GNA12: variants seen among roughly 807,000 people sequenced by gnomAD.
The protein encoded by GNA12 is guanine nucleotide-binding protein subunit alpha-12.
A neutral mutation model predicts 26.0 loss-of-function variants in GNA12; 9 were observed. The ratio of observed to expected loss-of-function variants is 0.35; its 90% CI spans 0.21 to 0.60. The LOEUF (loss-of-function observed/expected upper bound fraction) is 0.60, where lower values mean the gene tolerates loss of function less well. Among genes scored for constraint, GNA12 ranks in the 20% least tolerant of loss-of-function variants. The pLI, the probability that GNA12 is intolerant of heterozygous loss-of-function variation, is 0.78. For missense variants in GNA12, 405 were observed against 525.8 expected (o/e 0.77, Z 2.25); for synonymous variants, 264 against 219.6 (o/e 1.20, Z -1.79).
intron 2 of GNA12, among the ~76,000 whole-genome samples, chr7:2,769,759 A>C (rs1048110783): frequency 1.3e-5 from 2 of 151,498 alleles, no homozygotes; most frequent in African/African-American, 2.4e-5. Flanking sequence ...AACAAACAAA[A>C]AAAACACAGC....
intron 1 of GNA12, among the ~76,000 whole-genome samples, chr7:2,797,324 C>G (rs984004310): frequency 6.6e-6 from 1 of 152,054 alleles, no homozygotes. Flanking sequence ...TTAAGATTTT[C>G]GTAGAGTCAG....
chr7:2,757,128 C>CTTTTT (rs1562409543), intron 2 of GNA12, among the ~76,000 whole-genome samples: 19 of 115,136 alleles, frequency 1.7e-4, no homozygotes, highest in Non-Finnish European at 2.5e-4. Context: ...ATCAGGTGGG[C>CTTTTT]CTTTTTTTTT....
intron 1 of GNA12, among the ~76,000 whole-genome samples, chr7:2,831,624 C>T (rs946972070): frequency 2.6e-5 from 4 of 151,868 alleles, no homozygotes; most frequent in East Asian, 1.9e-4. Flanking sequence ...AGGATGGTCT[C>T]GATCTCCTGA....
intron 1 of GNA12, among the ~76,000 whole-genome samples, chr7:2,836,430 G>C (rs373051120): frequency 6.6e-6 from 1 of 152,234 alleles, no homozygotes; most frequent in Non-Finnish European, 1.5e-5. Flanking sequence ...GGACTTGAGG[G>C]ATGACAAGGC....
chr7:2,819,536 T>G (rs1793298847), intron 1 of GNA12, among the ~76,000 whole-genome samples: 2 of 152,066 alleles, frequency 1.3e-5, no homozygotes, highest in Non-Finnish European at 2.9e-5. Flanking sequence ...AGAAACACAA[T>G]AACCAAAAGC....
rs1257743477 is a variant in GNA12 at position 2,763,166 on chromosome 7, T to C, written c.526-29665A>G. On this transcript the variant is annotated intron_variant, in intron 2 of 3. Coordinates refer to ENST00000275364, the MANE Select transcript of GNA12 (RefSeq NM_007353.3). ...TCTCGAATATTCTGCTGACAAGAGG[T>C]TAGCAGGACTTCACAAGACACCCCA... 24 of 1,090,000 alleles carry C rather than the reference T, an allele frequency of 2.2e-5. No homozygotes were observed. The African/African-American group carries it at 3.6e-4, about 16-fold the overall frequency. The allele number at this position is 1,090,000 out of a possible 1,614,324, so 67.5% of individuals were successfully genotyped here. A position where few individuals can be genotyped will look rare whatever the true frequency, so the allele number is the denominator to read the frequency against.
At position 2,790,809 on chromosome 7, in the gene GNA12, A is replaced by G. The variant is rs141888370; in HGVS notation, c.525+4119T>C. 6.4e-3 allele frequency among the ~76,000 whole-genome samples: 978 copies of G among 152,320 alleles called. 9 individuals carry two copies. The highest frequency in any genetic ancestry group is 0.023 in the African/African-American group (940 of 41,564). ...CATAGTAAGACCTCAATGCTATGAA[A>G]AAGAAAAAGTAAAAATTAGCCAGGT... On this transcript the variant is annotated intron_variant, in intron 2 of 3. Coordinates refer to ENST00000275364, the MANE Select transcript of GNA12 (RefSeq NM_007353.3).
At chr7:2,778,041 G>A (rs570082474) in intron 2 of GNA12, among the ~76,000 whole-genome samples, 1 of 152,216 alleles carries the variant, frequency 6.6e-6, no homozygotes, top group East Asian at 1.9e-4. Flanking sequence ...TCACAGGAAT[G>A]TCTCCGAGGA....
At chr7:2,813,014 G>A (rs376948626) in intron 1 of GNA12, among the ~76,000 whole-genome samples, 4 of 152,128 alleles carry the variant, frequency 2.6e-5, no homozygotes, top group African/African-American at 4.8e-5. Flanking sequence ...TGCAATCATG[G>A]CTCATTGCAG....
chr7:2,840,949 T>G (rs1778973264), intron 1 of GNA12, among the ~76,000 whole-genome samples: 2 of 152,230 alleles, frequency 1.3e-5, no homozygotes. Flanking sequence ...GAAACGATTT[T>G]TGGTTTTAAA....
At chr7:2,775,110 T>C (rs895234181) in intron 2 of GNA12, among the ~76,000 whole-genome samples, 2 of 152,218 alleles carry the variant, frequency 1.3e-5, no homozygotes, top group African/African-American at 2.4e-5. Flanking sequence ...AGACAATACA[T>C]GCACAGAGTA....
chr7:2,806,539 C>A lies in GNA12; in HGVS notation c.310-11396G>T, dbSNP rs139168045. Among the ~76,000 whole-genome samples the A allele has an allele frequency of 1.3e-4, 19 of 149,244 alleles. No homozygotes were observed. In the East Asian group the frequency reaches 3.7e-3, roughly 29 times the overall value. On this transcript the variant is annotated intron_variant, in intron 1 of 3. Coordinates refer to ENST00000275364, the MANE Select transcript of GNA12 (RefSeq NM_007353.3). ...TGATTATAAAAGTGTATTTTTAGTG[C>A]AAAAAATAGAGGAAATATAGAAATA...
chr7:2,791,740 G>C (rs915014079), intron 2 of GNA12, among the ~76,000 whole-genome samples: 3 of 152,104 alleles, frequency 2.0e-5, no homozygotes, highest in Non-Finnish European at 4.4e-5. Flanking sequence ...GTGGGGGAGG[G>C]AGCCCTGGTA....
intron 1 of GNA12, among the ~76,000 whole-genome samples, chr7:2,825,712 G>A (rs981034885): frequency 6.6e-6 from 1 of 152,168 alleles, no homozygotes; most frequent in Non-Finnish European, 1.5e-5. Context: ...GTGTGCTGGC[G>A]TTTGCGTCCA....
chr7:2,836,299 TAA>T (rs1778836298), intron 1 of GNA12, among the ~76,000 whole-genome samples: 1 of 152,148 alleles, frequency 6.6e-6, no homozygotes, highest in African/African-American at 2.4e-5. Context: ...TTCCACAAAG[TAA>T]CAGCTCTACT....
intron 1 of GNA12, among the ~76,000 whole-genome samples, chr7:2,826,744 G>A (rs1168158826): frequency 6.6e-6 from 1 of 152,190 alleles, no homozygotes; most frequent in African/African-American, 2.4e-5. Flanking sequence ...GAAAAACGAT[G>A]GAGACAGTAA....
chr7:2,739,471 T>C (rs1475870106), intron 2 of GNA12, among the ~76,000 whole-genome samples: 1 of 144,696 alleles, frequency 6.9e-6, no homozygotes, highest in Non-Finnish European at 1.5e-5. Flanking sequence ...CATTCCATTT[T>C]ACGGCCAATA....
intron 1 of GNA12, among the ~76,000 whole-genome samples, chr7:2,827,182 G>A (rs959258115): frequency 2.0e-5 from 3 of 152,276 alleles, no homozygotes; most frequent in South Asian, 4.1e-4. Flanking sequence ...TTCAGAATAG[G>A]TAAATTCATG....
chr7:2,806,646 T>C (rs1290518650), intron 1 of GNA12, among the ~76,000 whole-genome samples: 1 of 152,190 alleles, frequency 6.6e-6, no homozygotes, highest in African/African-American at 2.4e-5. Flanking sequence ...TCTGTCTTAT[T>C]CTTTACAGAA....
Sources: allele counts gnomAD v4.1 joint callset (sites outside exome capture counted in the v4.1 genomes callset), GRCh38; gene constraint gnomAD v4.1.1; transcripts MANE v1.5; gene names NCBI Gene and HGNC (gene_info 2026-07-23, HGNC 2026-07-21).